Variants in TMPRSS15 observed in about 807,000 individuals in gnomAD.
TMPRSS15 encodes enteropeptidase.
In TMPRSS15, 128 loss-of-function variants were observed where a neutral mutation model predicts 125.3. The ratio of observed to expected loss-of-function variants is 1.02; its 90% CI spans 0.89 to 1.18. The LOEUF (loss-of-function observed/expected upper bound fraction) is 1.18, where lower values mean the gene tolerates loss of function less well. TMPRSS15 is among the 50% of genes most tolerant of loss of function. The pLI is 0.00. For synonymous variants in TMPRSS15, 446 were observed against 423.2 expected (o/e 1.05, Z -0.66); for missense variants, 1,283 against 1,212.7 (o/e 1.06, Z -0.86).
At chr21:18,481,588 G>A (rs568143066) in intron 1 of TMPRSS15, among the ~76,000 whole-genome samples, 17 of 151,506 alleles carry the variant, frequency 1.1e-4, no homozygotes, top group Admixed American at 5.9e-4. Flanking sequence ...TACAGAAGAC[G>A]GATTAGAAAA....
chr21:18,293,309 T>C (rs1385113746), intron 21 of TMPRSS15, among the ~76,000 whole-genome samples: 1 of 152,178 alleles, frequency 6.6e-6, no homozygotes, highest in East Asian at 1.9e-4. Flanking sequence ...GCCTCGTCCA[T>C]GCCCGGTTCT....
chr21:18,421,821 A>G (rs2076192471), intron 1 of TMPRSS15, among the ~76,000 whole-genome samples: 1 of 152,144 alleles, frequency 6.6e-6, no homozygotes, highest in Non-Finnish European at 1.5e-5. Flanking sequence ...AGTAAATTTT[A>G]TTATCTTCTA....
intron 21 of TMPRSS15, 37 bp from the exon 22 acceptor site, chr21:18,281,258 A>G: frequency 6.4e-7 from 1 of 1,570,016 alleles, no homozygotes; most frequent in South Asian, 1.1e-5. Flanking sequence ...GACACTCTCC[A>G]TCCAAAGCAG....
At chr21:18,345,943 T>G (rs1743284110) in intron 10 of TMPRSS15, among the ~76,000 whole-genome samples, 1 of 151,720 alleles carries the variant, frequency 6.6e-6, no homozygotes, top group South Asian at 2.1e-4. Context: ...CAGTGATATA[T>G]TTGGAGTTTT....
At chr21:18,434,623 A>G (rs989078116) in intron 1 of TMPRSS15, among the ~76,000 whole-genome samples, 3 of 152,116 alleles carry the variant, frequency 2.0e-5, no homozygotes, top group East Asian at 1.9e-4. Context: ...CTACAGGAAC[A>G]TAACTGCTTT....
intron 7 of TMPRSS15, among the ~76,000 whole-genome samples, chr21:18,360,573 T>C (rs1433495486): frequency 2.0e-5 from 3 of 152,140 alleles, no homozygotes; most frequent in Non-Finnish European, 4.4e-5. Context: ...TGTGTTGTCT[T>C]AGCACCCTCG....
rs2074923180 is a variant in TMPRSS15 at position 18,297,762 on chromosome 21, G to C, written c.2233C>G (p.Pro745Ala). The stretch of plus-strand genomic sequence containing the variant: ...GGTGTTAGTATTAAGTGGCCATCAG[G>C]TGCTGTGTTTAATTTGACAAATGGT... Reference protein sequence around the residue: ...GGPFVKLNTAPDGHLILTPSQ... With the variant: ...GGPFVKLNTAADGHLILTPSQ... The change falls in exon 19 of 25, where the codon CCT (proline) becomes GCT (alanine). Residue 745 changes from proline (P) to alanine (A), a missense_variant. Physicochemically the swap from Pro to Ala is conservative, Grantham distance 27. Transcript: ENST00000284885. 3 of 1,613,634 alleles carry C rather than the reference G, an allele frequency of 1.9e-6. No individual in the cohort carries two copies. The highest frequency in any genetic ancestry group is 2.5e-6 in the Non-Finnish European group (3 of 1,179,758).
In TMPRSS15 at chr21:18,389,403, CTGA is replaced by C. The variant is rs1389840237; in HGVS notation, c.345-5628_345-5626del. 4.6e-5 allele frequency among the ~76,000 whole-genome samples: 7 copies of C among 152,216 alleles called. No individual in the cohort carries two copies. In the East Asian group the frequency reaches 1.4e-3, roughly 29 times the overall value. The stretch of plus-strand genomic sequence containing the variant: ...ACCACCAGGGGAAACCATCTCTACA[CTGA>C]TGAAGTATATTATTTGAGAATCATT... On this transcript the variant is annotated intron_variant, in intron 3 of 24. Transcript: ENST00000284885.
intron 8 of TMPRSS15, among the ~76,000 whole-genome samples, chr21:18,355,777 T>C (rs889443924): frequency 2.0e-5 from 3 of 151,836 alleles, no homozygotes; most frequent in African/African-American, 7.2e-5. Context: ...AATTCTGTCT[T>C]TTGCTTCTCT....
In TMPRSS15 at chr21:18,348,392, T is replaced by C. The variant is rs79553543; in HGVS notation, c.1172-4332A>G. Among the ~76,000 whole-genome samples, 20 of 152,276 alleles carry C rather than the reference T, an allele frequency of 1.3e-4. No homozygotes were observed. The East Asian group carries it at 2.1e-3, about 16-fold the overall frequency. On this transcript the variant is annotated intron_variant, in intron 10 of 24. Coordinates refer to ENST00000284885, the MANE Select transcript of TMPRSS15 (RefSeq NM_002772.3). ...AGCATGTGCTGATCTGATATAGAGA[T>C]AGCAGAAACTGGAGAGATAGTAGAA... is the stretch of plus-strand genomic sequence containing the variant.
At chr21:18,450,370 G>A (rs1436149472) in intron 1 of TMPRSS15, among the ~76,000 whole-genome samples, 1 of 151,914 alleles carries the variant, frequency 6.6e-6, no homozygotes, top group East Asian at 1.9e-4. Context: ...GCTCCTCCCT[G>A]TGATTCAGTT....
At chr21:18,403,337 G>C (rs1569059837) in intron 1 of TMPRSS15, 141 bp downstream of exon 1, 1 of 1,095,020 alleles carries the variant, frequency 9.1e-7, no homozygotes, top group Non-Finnish European at 1.4e-6. Context: ...TTGTCATGAA[G>C]ATTAATTTGA....
At chr21:18,376,767 C>T (rs1257098073) in intron 5 of TMPRSS15, among the ~76,000 whole-genome samples, 2 of 152,170 alleles carry the variant, frequency 1.3e-5, no homozygotes, top group Non-Finnish European at 2.9e-5. Context: ...TCCAGTCCTT[C>T]TCCTCTAGTG....
At chr21:18,421,876 C>T (rs568227141) in intron 1 of TMPRSS15, among the ~76,000 whole-genome samples, 1 of 152,174 alleles carries the variant, frequency 6.6e-6, no homozygotes, top group African/African-American at 2.4e-5. Context: ...TATCGATACA[C>T]CCCTTCGGTT....
chr21:18,347,539 T>C, intron 10 of TMPRSS15, among the ~76,000 whole-genome samples: 1 of 152,192 alleles, frequency 6.6e-6, no homozygotes, highest in Non-Finnish European at 1.5e-5. Flanking sequence ...CTGTTGTATA[T>C]TTTATTTATG....
chr21:18,365,270 T>C (rs1347373839), intron 6 of TMPRSS15, 22 bp from the exon 7 acceptor site: 21 of 1,584,752 alleles, frequency 1.3e-5, no homozygotes, highest in Non-Finnish European at 1.8e-5. Context: ...TGCCAATTAA[T>C]GTTAGACAAA....
At chr21:18,471,266 A>AT (rs1049612623) in intron 1 of TMPRSS15, among the ~76,000 whole-genome samples, 44 of 152,192 alleles carry the variant, frequency 2.9e-4, no homozygotes, top group African/African-American at 9.6e-4. Context: ...CATATCTATG[A>AT]TTTTTTCTAT....
At chr21:18,288,229 C>T (rs1568984911) in intron 21 of TMPRSS15, among the ~76,000 whole-genome samples, 1 of 152,134 alleles carries the variant, frequency 6.6e-6, no homozygotes, top group East Asian at 1.9e-4. Flanking sequence ...AAACAACTCA[C>T]ATGCAGAAAG....
At chr21:18,454,346 C>A (rs1978398532) in intron 1 of TMPRSS15, among the ~76,000 whole-genome samples, 1 of 152,060 alleles carries the variant, frequency 6.6e-6, no homozygotes, top group African/African-American at 2.4e-5. Flanking sequence ...GAAGTATTTT[C>A]TTTTGCCCCG....
Sources: gnomAD v4.1 joint callset for allele counts (sites outside exome capture counted in the v4.1 genomes callset) on GRCh38, gnomAD v4.1.1 for gene constraint, MANE v1.5 for transcripts, NCBI Gene and HGNC (gene_info 2026-07-23, HGNC 2026-07-21) for gene names.